The following CSMD3 variants were observed in gnomAD, a reference collection of about 807,000 sequenced individuals.
The protein encoded by CSMD3 is CUB and sushi domain-containing protein 3.
A neutral mutation model predicts 435.2 loss-of-function variants in CSMD3; 177 were observed. That is an observed-to-expected ratio of 0.41 (90% CI 0.36 to 0.46). CSMD3 has a LOEUF of 0.46. Among genes scored for constraint, CSMD3 ranks in the 20% least tolerant of loss-of-function variants. The pLI, the probability that CSMD3 is intolerant of heterozygous loss-of-function variation, is 0.34. For synonymous variants in CSMD3, 1,656 were observed against 1,520.5 expected (o/e 1.09, Z -2.07); for missense variants, 4,265 against 4,504.6 (o/e 0.95, Z 1.52).
rs1293885477 is a variant in CSMD3, at chr8:112,610,966, C to G, written c.3716-23731G>C. ...ATTGAAATGCATCATGCAAAGTACT[C>G]AATAATTATATACTATAAAGCAAAC... On this transcript the variant is annotated intron_variant, in intron 22 of 70. Coordinates refer to ENST00000297405, the MANE Select transcript of CSMD3 (RefSeq NM_198123.2). 2.6e-5 allele frequency among the ~76,000 whole-genome samples: 4 copies of G among 152,030 alleles called. No homozygotes were observed. The South Asian group carries it at 6.2e-4, about 24-fold the overall frequency.
At chr8:112,484,881 C>G (rs1324694151) in intron 31 of CSMD3, among the ~76,000 whole-genome samples, 1 of 151,920 alleles carries the variant, frequency 6.6e-6, no homozygotes, top group Non-Finnish European at 1.5e-5. Flanking sequence ...ATTCCAATAT[C>G]CGAAAAAAAT....
At chr8:113,070,873 T>A (rs1166612998) in intron 5 of CSMD3, among the ~76,000 whole-genome samples, 1 of 152,062 alleles carries the variant, frequency 6.6e-6, no homozygotes, top group Admixed American at 6.6e-5. Context: ...TAATTCTACT[T>A]ACAATTTTTT....
intron 68 of CSMD3, among the ~76,000 whole-genome samples, chr8:112,234,096 CAT>C (rs1214249586): frequency 5.9e-5 from 9 of 151,440 alleles, no homozygotes; most frequent in Admixed American, 2.0e-4. Flanking sequence ...CACACACACA[CAT>C]ACACACACCC....
chr8:112,850,220 A>C (rs772336346), intron 11 of CSMD3, among the ~76,000 whole-genome samples: 12 of 152,152 alleles, frequency 7.9e-5, no homozygotes, highest in Non-Finnish European at 1.3e-4. Flanking sequence ...TCAGTAAGAA[A>C]TGGAGTGACT....
chr8:112,977,117 T>C (rs968648276), intron 6 of CSMD3, among the ~76,000 whole-genome samples: 4 of 152,170 alleles, frequency 2.6e-5, no homozygotes, highest in African/African-American at 9.6e-5. Context: ...TAGTTCATAA[T>C]ACTTATATAA....
rs1052731315 is a variant in CSMD3 at position 112,831,922 on chromosome 8, G to A, written c.1756-2133C>T. 2.0e-5 allele frequency among the ~76,000 whole-genome samples: 3 copies of A among 152,050 alleles called. No individual in the cohort carries two copies. The East Asian group carries it at 5.8e-4, about 29-fold the overall frequency. ...CACTCATAGTACACCACTGGATCTG[G>A]CTCACTAGTTGAGATCAGCTTTATA... is the stretch of plus-strand genomic sequence containing the variant. On this transcript the variant is annotated intron_variant, in intron 11 of 70. Coordinates refer to ENST00000297405, the MANE Select transcript of CSMD3 (RefSeq NM_198123.2).
intron 5 of CSMD3, among the ~76,000 whole-genome samples, chr8:113,044,783 T>A (rs2087761751): frequency 6.7e-6 from 1 of 148,942 alleles, no homozygotes; most frequent in Non-Finnish European, 1.5e-5. Context: ...TCCCCAAATA[T>A]CCTTTGCATT....
At chr8:112,748,675 C>CT (rs199995342) in intron 13 of CSMD3, among the ~76,000 whole-genome samples, 1 of 151,874 alleles carries the variant, frequency 6.6e-6, no homozygotes, top group East Asian at 1.9e-4. Context: ...TATGATGCTG[C>CT]TTTTTTTTGG....
intron 32 of CSMD3, among the ~76,000 whole-genome samples, chr8:112,428,113 C>A: frequency 6.6e-6 from 1 of 152,118 alleles, no homozygotes; most frequent in East Asian, 1.9e-4. Context: ...ACTGCAACTA[C>A]TATTTAGAAA....
chr8:113,280,653 A>G (rs568800566), intron 2 of CSMD3, among the ~76,000 whole-genome samples: 1 of 151,356 alleles, frequency 6.6e-6, no homozygotes, highest in South Asian at 2.1e-4. Flanking sequence ...TTTCAATTTC[A>G]TTTGGTTCTG....
chr8:112,868,327 T>C (rs930158711), intron 10 of CSMD3, among the ~76,000 whole-genome samples: 1 of 152,106 alleles, frequency 6.6e-6, no homozygotes, highest in Admixed American at 6.6e-5. Flanking sequence ...GCAGAAAGAG[T>C]ACACTCCAAA....
chr8:113,137,946 A>C (rs2131715734), intron 4 of CSMD3, among the ~76,000 whole-genome samples: 1 of 151,726 alleles, frequency 6.6e-6, no homozygotes, highest in African/African-American at 2.4e-5. Context: ...TCTTCTCCTT[A>C]GCACTCTTCA....
intron 22 of CSMD3, among the ~76,000 whole-genome samples, chr8:112,630,673 A>G (rs2074489077): frequency 6.6e-6 from 1 of 152,132 alleles, no homozygotes; most frequent in Non-Finnish European, 1.5e-5. Context: ...TCTGATATGG[A>G]TAAAAAGAGA....
chr8:112,885,094 T>C (rs1425017460), intron 10 of CSMD3, among the ~76,000 whole-genome samples: 1 of 151,746 alleles, frequency 6.6e-6, no homozygotes, highest in Non-Finnish European at 1.5e-5. Context: ...TGCCTTTTCT[T>C]CCTTGGTATA....
intron 1 of CSMD3, among the ~76,000 whole-genome samples, chr8:113,405,017 C>G (rs2094526512): frequency 6.6e-6 from 1 of 151,306 alleles, no homozygotes; most frequent in Admixed American, 6.6e-5. Flanking sequence ...CTTAATTTGT[C>G]TAGATATGCT....
chr8:113,213,204 G>A (rs2132089045), intron 3 of CSMD3, among the ~76,000 whole-genome samples: 1 of 152,140 alleles, frequency 6.6e-6, no homozygotes, highest in African/African-American at 2.4e-5. Flanking sequence ...GGGATTTCAT[G>A]TGCACTTTCC....
chr8:112,233,761 C>T (rs1308330992), intron 68 of CSMD3, among the ~76,000 whole-genome samples: 1 of 152,076 alleles, frequency 6.6e-6, no homozygotes, highest in African/African-American at 2.4e-5. Flanking sequence ...TTGTGTTTTC[C>T]ACTGTCAGTC....
chr8:112,910,418 G>A (rs1406818545), intron 10 of CSMD3, among the ~76,000 whole-genome samples: 1 of 151,710 alleles, frequency 6.6e-6, no homozygotes. Flanking sequence ...AGGGGTAGAG[G>A]GTTCTGCCAT....
intron 1 of CSMD3, among the ~76,000 whole-genome samples, chr8:113,425,861 C>T (rs903955894): frequency 9.2e-5 from 14 of 151,374 alleles, no homozygotes; most frequent in South Asian, 2.1e-4. Context: ...ACTAGGAAGC[C>T]GAAAGTTGGC....
Sources: allele counts gnomAD v4.1 joint callset (sites outside exome capture counted in the v4.1 genomes callset), GRCh38; gene constraint gnomAD v4.1.1; transcripts MANE v1.5; gene names NCBI Gene and HGNC (gene_info 2026-07-23, HGNC 2026-07-21).